The following TRIO variants were observed in gnomAD, a reference collection of about 807,000 sequenced individuals.
The protein encoded by TRIO is trio Rho guanine nucleotide exchange factor, also known as triple functional domain protein.
TRIO carries 58 observed loss-of-function variants against 351.9 expected under a neutral mutation model. That is an observed-to-expected ratio of 0.16 (90% confidence interval 0.13 to 0.21). The LOEUF (loss-of-function observed/expected upper bound fraction) is 0.21, where lower values mean the gene tolerates loss of function less well. Among genes scored for constraint, TRIO ranks in the 10% least tolerant of loss-of-function variants. The probability of loss-of-function intolerance (pLI) is 1.00; values close to 1 mark genes in which losing one functional copy is unlikely to be tolerated. For missense variants in TRIO, 3,201 were observed against 4,027.8 expected (o/e 0.79, Z 5.56); for synonymous variants, 1,758 against 1,595.7 (o/e 1.10, Z -2.42).
intron 1 of TRIO, among the ~76,000 whole-genome samples, chr5:14,253,553 G>A (rs1380445642): frequency 2.6e-5 from 4 of 152,068 alleles, no homozygotes; most frequent in African/African-American, 9.7e-5. Flanking sequence ...TGCCCAGGCT[G>A]GTCTTGAACT....
At chr5:14,259,738 A>T (rs1376729013) in intron 1 of TRIO, among the ~76,000 whole-genome samples, 1 of 152,040 alleles carries the variant, frequency 6.6e-6, no homozygotes, top group Non-Finnish European at 1.5e-5. Flanking sequence ...TTAACTGTAG[A>T]TTGCATGCTG....
chr5:14,393,228 C>T (rs1409843250), intron 27 of TRIO, among the ~76,000 whole-genome samples: 1 of 151,346 alleles, frequency 6.6e-6, no homozygotes, highest in African/African-American at 2.4e-5. Flanking sequence ...GAACATCACA[C>T]ACTGGGGCCT....
rs962795710 is a variant in TRIO, at chr5:14,336,552, C to G, written c.1871C>G (p.Ala624Gly). Residue 624 changes from alanine (A) to glycine (G), a missense_variant, in exon 11 of 57, where the codon GCG (alanine) becomes GGG (glycine). Physicochemically the swap from Ala to Gly is moderately conservative, Grantham distance 60 (BLOSUM62 0). Around this residue, in one of 19 missense-constraint regions of TRIO, gnomAD observed 38 missense variants for 93.4 expected, o/e 0.41. Transcript: ENST00000344204. ...EEVAQNTYTN[A>G]DKLLEAAEQL... ...CTTGTGCAGAACACATACACCAATG[C>G]GGATAAATTACTGGAAGCAGCAGAA... 3 of 1,613,982 alleles carry G rather than the reference C, an allele frequency of 1.9e-6. No homozygotes were observed. The highest frequency in any genetic ancestry group is 2.5e-6 in the Non-Finnish European group (3 of 1,180,038).
intron 46 of TRIO, 93 bp from the exon 47 acceptor site, chr5:14,484,976 A>G (rs1439514479): frequency 7.5e-7 from 1 of 1,329,224 alleles, no homozygotes; most frequent in African/African-American, 1.5e-5. Context: ...CACATAGCCC[A>G]CATTTTCTTT....
intron 34 of TRIO, among the ~76,000 whole-genome samples, chr5:14,435,954 G>A (rs570609578): frequency 6.6e-6 from 1 of 152,280 alleles, no homozygotes; most frequent in East Asian, 1.9e-4. Flanking sequence ...TAAGGTTTGG[G>A]TGCTAGGTAT....
chr5:14,300,799 A>G (rs1294852690), intron 7 of TRIO, among the ~76,000 whole-genome samples: 1 of 152,192 alleles, frequency 6.6e-6, no homozygotes, highest in Non-Finnish European at 1.5e-5. Context: ...CTGACATAAT[A>G]ACAAACTGTT....
chr5:14,496,754 G>A (rs570711218), intron 49 of TRIO, 125 bp from the exon 50 acceptor site: 24 of 1,275,544 alleles, frequency 1.9e-5, no homozygotes, highest in South Asian at 3.5e-5. Context: ...GTCACAGTTC[G>A]TAGAGGATTT....
Position 14,476,958 on chromosome 5 carries a change from A to C in TRIO, c.6148A>C (p.Lys2050Gln). The C allele has an allele frequency of 6.2e-7, 1 of 1,613,390 alleles. No individual in the cohort carries two copies. The highest frequency in any genetic ancestry group is 8.5e-7 in the Non-Finnish European group (1 of 1,179,632). ...DPEKLGSLFV[K>Q]HERRLHMYIA... ...AGAAAAACTAGGATCCCTTTTTGTT[A>C]AACACGTAAGCACAATAGCATTGCT... The change falls in exon 41 of 57, where the codon AAA becomes CAA. Residue 2050 changes from lysine (K) to glutamine (Q), a missense_variant. Around this residue, in one of 19 missense-constraint regions of TRIO, gnomAD observed 307 missense variants for 396.5 expected, o/e 0.77. Coordinates refer to ENST00000344204, the MANE Select transcript of TRIO (RefSeq NM_007118.4).
At chr5:14,479,116 T>C in intron 41 of TRIO, 145 bp from the exon 42 acceptor site, 1 of 686,828 alleles carries the variant, frequency 1.5e-6, no homozygotes, top group Non-Finnish European at 2.6e-6. Context: ...ATCCTGAATC[T>C]GGAATTTACT....
intron 8 of TRIO, among the ~76,000 whole-genome samples, chr5:14,308,497 G>C (rs567744544): frequency 7.0e-6 from 1 of 143,760 alleles, no homozygotes; most frequent in African/African-American, 2.6e-5. Flanking sequence ...CCACCCATCC[G>C]TCCATCCATC....
chr5:14,239,071 C>T (rs1051805763), intron 1 of TRIO, among the ~76,000 whole-genome samples: 1 of 152,138 alleles, frequency 6.6e-6, no homozygotes, highest in Admixed American at 6.5e-5. Context: ...ATTGTTGGCT[C>T]TAGGCTTGAG....
At chr5:14,246,128 C>T (rs964326346) in intron 1 of TRIO, among the ~76,000 whole-genome samples, 4 of 152,166 alleles carry the variant, frequency 2.6e-5, no homozygotes. Flanking sequence ...TGATAAACAG[C>T]TACAGTTTCG....
intron 1 of TRIO, among the ~76,000 whole-genome samples, chr5:14,169,905 G>C (rs1788996402): frequency 6.6e-6 from 1 of 152,208 alleles, no homozygotes; most frequent in South Asian, 2.1e-4. Context: ...TTTTAGAAAG[G>C]CTTTATTACT....
chr5:14,483,743 C>T (rs987972355), intron 46 of TRIO, among the ~76,000 whole-genome samples: 1 of 152,152 alleles, frequency 6.6e-6, no homozygotes, highest in South Asian at 2.1e-4. Context: ...TGCGGGCCCT[C>T]GCACCTCCCA....
chr5:14,291,465 G>A (rs1381486851), intron 5 of TRIO, among the ~76,000 whole-genome samples: 4 of 151,614 alleles, frequency 2.6e-5, no homozygotes, highest in Non-Finnish European at 2.9e-5. Context: ...TTTGGTCTAG[G>A]ATGCCTGTAA....
chr5:14,383,426 T>G (rs1010553076), intron 21 of TRIO, among the ~76,000 whole-genome samples: 3 of 152,206 alleles, frequency 2.0e-5, no homozygotes, highest in Admixed American at 1.3e-4. Context: ...TATTTGGAAT[T>G]GAGTAACATG....
chr5:14,322,552 G>C (rs1414770229), intron 9 of TRIO, among the ~76,000 whole-genome samples: 1 of 152,200 alleles, frequency 6.6e-6, no homozygotes, highest in East Asian at 1.9e-4. Flanking sequence ...ATTTGCCTCA[G>C]GCCCCAGCCT....
chr5:14,399,249 C>G (rs1222489388), intron 30 of TRIO, 179 bp downstream of exon 30: 1 of 634,178 alleles, frequency 1.6e-6, no homozygotes, highest in South Asian at 2.0e-5. Context: ...CTCAAGTCCA[C>G]TAGAGGGTGC....
At chr5:14,424,686 TAAGAG>T (rs1286120606) in intron 34 of TRIO, among the ~76,000 whole-genome samples, 3 of 152,206 alleles carry the variant, frequency 2.0e-5, no homozygotes, top group East Asian at 1.9e-4. Context: ...CTGCAGTAGT[TAAGAG>T]AAGACGCAGG....
Sources: allele counts gnomAD v4.1 joint callset (sites outside exome capture counted in the v4.1 genomes callset), GRCh38; gene constraint gnomAD v4.1.1; regional missense constraint gnomAD v4.1.1; transcripts MANE v1.5; gene names NCBI Gene and HGNC (gene_info 2026-07-23, HGNC 2026-07-21).